Variants in PRKN observed in about 807,000 individuals in gnomAD.
The protein encoded by PRKN is E3 ubiquitin-protein ligase parkin.
In PRKN, 56 loss-of-function variants were observed where a neutral mutation model predicts 59.5. That is an observed-to-expected ratio of 0.94 (90% CI 0.76 to 1.18). The LOEUF (loss-of-function observed/expected upper bound fraction) is 1.18. Among genes scored for constraint, PRKN ranks in the 50% most tolerant of loss-of-function variants. The probability of loss-of-function intolerance (pLI) is 0.00; values close to 1 mark genes in which losing one functional copy is unlikely to be tolerated. For synonymous variants in PRKN, 250 were observed against 222.1 expected, an observed-to-expected ratio of 1.13 and a Z score of -1.12; for missense variants, 657 against 596.4, an observed-to-expected ratio of 1.10 and a Z score of -1.06.
intron 6 of PRKN, among the ~76,000 whole-genome samples, chr6:161,934,633 A>C (rs1353476856): frequency 6.6e-6 from 1 of 152,198 alleles, no homozygotes; most frequent in Non-Finnish European, 1.5e-5. Context: ...AGGGCAAAAA[A>C]TGTTGCCTCA....
chr6:161,469,957 T>C (rs1348679270), intron 9 of PRKN, among the ~76,000 whole-genome samples: 2 of 152,224 alleles, frequency 1.3e-5, no homozygotes, highest in Non-Finnish European at 2.9e-5. Context: ...ATTGTTCCGC[T>C]TAAAAATTAG....
chr6:161,746,762 TATA>T, intron 7 of PRKN, among the ~76,000 whole-genome samples: 3 of 147,784 alleles, frequency 2.0e-5, no homozygotes, highest in African/African-American at 7.4e-5. Flanking sequence ...TATATATCTA[TATA>T]GATATATATG....
At chr6:162,248,572 A>T (rs1779296185) in intron 3 of PRKN, among the ~76,000 whole-genome samples, 1 of 151,966 alleles carries the variant, frequency 6.6e-6, no homozygotes, top group Non-Finnish European at 1.5e-5. Context: ...CAAAGAATAG[A>T]CTCTTGGGTA....
chr6:162,555,274 A>G (rs1479249281), intron 1 of PRKN, among the ~76,000 whole-genome samples: 2 of 152,248 alleles, frequency 1.3e-5, no homozygotes, highest in Non-Finnish European at 2.9e-5. Flanking sequence ...AAAGTATATT[A>G]AACAAAATGG....
intron 1 of PRKN, among the ~76,000 whole-genome samples, chr6:162,595,234 C>G (rs574263291): frequency 6.6e-6 from 1 of 152,120 alleles, no homozygotes; most frequent in Non-Finnish European, 1.5e-5. Context: ...AAAATTGTTC[C>G]TGAGTTTTCT....
intron 1 of PRKN, among the ~76,000 whole-genome samples, chr6:162,455,407 A>G (rs1790822898): frequency 1.3e-5 from 2 of 152,202 alleles, no homozygotes; most frequent in Non-Finnish European, 2.9e-5. Flanking sequence ...AGCCTATTAC[A>G]CACCTAGGCT....
chr6:161,787,399 CT>C (rs1239502703), intron 6 of PRKN, among the ~76,000 whole-genome samples: 1 of 152,146 alleles, frequency 6.6e-6, no homozygotes, highest in Non-Finnish European at 1.5e-5. Context: ...CTTCATAATG[CT>C]TTCCTATTTC....
chr6:161,691,040 T>TTCCA (rs111800155), intron 7 of PRKN, among the ~76,000 whole-genome samples: 15,023 of 145,320 alleles, frequency 0.1, 847 homozygotes, highest in African/African-American at 0.13. Context: ...CTCCTTTCCT[T>TTCCA]TCCATCCATC....
chr6:161,668,300 C>T (rs1784793288), intron 7 of PRKN, among the ~76,000 whole-genome samples: 1 of 148,748 alleles, frequency 6.7e-6, no homozygotes. Flanking sequence ...CAATTGGCAT[C>T]TTGAATGTCA....
intron 6 of PRKN, among the ~76,000 whole-genome samples, chr6:161,805,729 T>C (rs573787552): frequency 6.6e-6 from 1 of 152,322 alleles, no homozygotes; most frequent in Non-Finnish European, 1.5e-5. Context: ...TATCATTTGA[T>C]GTGTCTGAAG....
At chr6:161,847,442 A>G (rs1054664873) in intron 6 of PRKN, among the ~76,000 whole-genome samples, 4 of 152,214 alleles carry the variant, frequency 2.6e-5, no homozygotes, top group Non-Finnish European at 4.4e-5. Context: ...CCAAGGGCAG[A>G]GAAGGTTGCA....
chr6:161,746,180 G>C (rs1788405438), intron 7 of PRKN, among the ~76,000 whole-genome samples: 1 of 152,186 alleles, frequency 6.6e-6, no homozygotes, highest in South Asian at 2.1e-4. Context: ...GTGAAACTAA[G>C]ATGTAAATAC....
chr6:161,770,188 T>C (rs1187113307), intron 7 of PRKN, among the ~76,000 whole-genome samples: 4 of 152,074 alleles, frequency 2.6e-5, no homozygotes, highest in Non-Finnish European at 5.9e-5. Context: ...CCAGCCCACA[T>C]GGAGCATGGG....
chr6:161,400,378 G>A lies in PRKN; in HGVS notation c.1084-13501C>T, dbSNP rs1186150949. Reference sequence around the variant, plus strand: ...GCTGGAGTGCAATGGCACGATCTCCGCTCACTGCAACCTGTACCTCCCAGG... The same window carrying A: ...GCTGGAGTGCAATGGCACGATCTCCACTCACTGCAACCTGTACCTCCCAGG... On this transcript the variant is annotated intron_variant, in intron 9 of 11. Coordinates refer to ENST00000366898, the MANE Select transcript of PRKN (RefSeq NM_004562.3). This position sits in a 1 kb window ranked among gnomAD's most constrained non-coding sequence, Gnocchi z 4.2. Among the ~76,000 whole-genome samples the A allele has an allele frequency of 4.0e-5, 6 of 150,992 alleles. No individual in the cohort carries two copies. Among genetic ancestry groups the A allele is most frequent in the Non-Finnish European group, 5.9e-5 (4 of 67,890 alleles).
chr6:162,082,728 C>T (rs1031888001), intron 4 of PRKN, among the ~76,000 whole-genome samples: 3 of 151,862 alleles, frequency 2.0e-5, no homozygotes, highest in African/African-American at 7.3e-5. Flanking sequence ...ACTTAGAGCC[C>T]ATCATAGGAC....
chr6:161,623,540 T>C (rs1462534125), intron 7 of PRKN, among the ~76,000 whole-genome samples: 5 of 152,234 alleles, frequency 3.3e-5, no homozygotes, highest in Non-Finnish European at 5.9e-5. Flanking sequence ...AAAAACTGCT[T>C]TTTTGAAAAG....
intron 7 of PRKN, among the ~76,000 whole-genome samples, chr6:161,634,150 C>T (rs755959835): frequency 1.2e-4 from 18 of 152,092 alleles, no homozygotes; most frequent in African/African-American, 1.9e-4. Flanking sequence ...AACGGAGAAA[C>T]GGATGCCTGT....
At chr6:161,699,973 G>A (rs2128178583) in intron 7 of PRKN, among the ~76,000 whole-genome samples, 1 of 152,080 alleles carries the variant, frequency 6.6e-6, no homozygotes, top group East Asian at 1.9e-4. Flanking sequence ...CACTATTAGT[G>A]GCCTGCAGGG....
chr6:162,219,180 G>A (rs1479387643), intron 3 of PRKN, among the ~76,000 whole-genome samples: 2 of 152,120 alleles, frequency 1.3e-5, no homozygotes, highest in African/African-American at 4.8e-5. Flanking sequence ...AACAGAGAGA[G>A]TTCTTGCCCA....
Sources: gnomAD v4.1 joint callset for allele counts (sites outside exome capture counted in the v4.1 genomes callset) on GRCh38, gnomAD v4.1.1 for gene constraint, Gnocchi (gnomAD v3.1) non-coding constraint, MANE v1.5 for transcripts, NCBI Gene and HGNC (gene_info 2026-07-23, HGNC 2026-07-21) for gene names.